Variants in EYA3 observed in about 807,000 individuals in gnomAD.
EYA3 encodes protein phosphatase EYA3.
In EYA3, 39 loss-of-function variants were observed where a neutral mutation model predicts 80.0. That is an observed-to-expected ratio of 0.49 (90% CI 0.38 to 0.64). EYA3 has a LOEUF of 0.64. Ranked by LOEUF, EYA3 falls within the 30% of genes least tolerant of loss-of-function variation. The pLI, the probability that EYA3 is intolerant of heterozygous loss-of-function variation, is 0.00. For missense variants in EYA3, 523 were observed against 676.1 expected (o/e 0.77, Z 2.51); for synonymous variants, 206 against 232.8 (o/e 0.88, Z 1.05).
intron 1 of EYA3, among the ~76,000 whole-genome samples, chr1:28,071,976 C>G (rs1017431893): frequency 6.6e-6 from 1 of 151,924 alleles, no homozygotes; most frequent in African/African-American, 2.4e-5. Flanking sequence ...AACAATTTTC[C>G]CAGGGGCCCT....
At chr1:28,036,403 T>C (rs1643456882) in intron 5 of EYA3, among the ~76,000 whole-genome samples, 1 of 152,158 alleles carries the variant, frequency 6.6e-6, no homozygotes, top group African/African-American at 2.4e-5. Context: ...ACCCTGCCCC[T>C]TGAACCAAAC....
intron 1 of EYA3, among the ~76,000 whole-genome samples, chr1:28,078,588 C>T (rs970116572): frequency 1.3e-5 from 2 of 152,060 alleles, no homozygotes; most frequent in African/African-American, 2.4e-5. Flanking sequence ...CTCTGTTACC[C>T]AGGCTGAAGC....
chr1:28,026,236 T>G (rs1340309194), intron 7 of EYA3, among the ~76,000 whole-genome samples: 1 of 152,204 alleles, frequency 6.6e-6, no homozygotes, highest in Non-Finnish European at 1.5e-5. Flanking sequence ...TTTCACAACC[T>G]AGGTGTAAGT....
At position 27,993,403 on chromosome 1, in the gene EYA3, C is replaced by T; in HGVS notation, c.1300G>A (p.Gly434Ser). Reference protein sequence around the residue: ...EIYDKHKSNVGGLLSPQRKEA... With the variant: ...EIYDKHKSNVSGLLSPQRKEA... ...ACTGGTTATATGCCACACTTACCAC[C>T]CACGTTGCTTTTATGCTTATCATAG... Residue 434 changes from glycine to serine, a missense_variant, in exon 14 of 18, where the codon GGT becomes AGT. Physicochemically the swap from Gly to Ser is moderately conservative, Grantham distance 56 (BLOSUM62 0). Around this residue, in one of 2 missense-constraint regions of EYA3, gnomAD observed 219 missense variants for 332.8 expected, o/e 0.66. Transcript: ENST00000373871. The T allele has an allele frequency of 6.2e-7, 1 of 1,612,922 alleles. No homozygotes were observed. The highest frequency in any genetic ancestry group is 8.5e-7 in the Non-Finnish European group (1 of 1,179,562).
At chr1:28,047,714 C>A (rs1177856846) in intron 3 of EYA3, among the ~76,000 whole-genome samples, 1 of 151,194 alleles carries the variant, frequency 6.6e-6, no homozygotes, top group Non-Finnish European at 1.5e-5. Context: ...TCTCAGCTCA[C>A]CGCAAGCTCC....
rs146879269 is a variant in EYA3, at chr1:28,058,763, C to G, written c.-68-669G>C. ...TACTGCCCAATTATTTAAGCAAAAT[C>G]TTTACGTTCTCAGACCCTGCTCTTT... On this transcript the variant is annotated intron_variant, in intron 1 of 17. Coordinates refer to ENST00000373871, the MANE Select transcript of EYA3 (RefSeq NM_001990.4). Among the ~76,000 whole-genome samples the G allele has an allele frequency of 3.1e-3, 471 of 152,276 alleles. 4 individuals are homozygous for G. Among genetic ancestry groups the G allele is most frequent in the East Asian group, 0.014 (73 of 5,190 alleles).
At chr1:28,027,711 G>C (rs987478544) in intron 7 of EYA3, 78 bp downstream of exon 7, 1 of 1,565,130 alleles carries the variant, frequency 6.4e-7, no homozygotes, top group African/African-American at 1.4e-5. Flanking sequence ...CAATTTGTTT[G>C]TTTGGAGATA....
At chr1:28,006,589 C>T (rs1368566693) in intron 10 of EYA3, among the ~76,000 whole-genome samples, 1 of 152,032 alleles carries the variant, frequency 6.6e-6, no homozygotes, top group East Asian at 1.9e-4. Context: ...GCCTGTAATC[C>T]CAGCTACTCA....
intron 13 of EYA3, among the ~76,000 whole-genome samples, chr1:27,995,638 G>A (rs1434661826): frequency 1.3e-5 from 2 of 151,700 alleles, no homozygotes; most frequent in Non-Finnish European, 2.9e-5. Context: ...TTGGGGGCTG[G>A]GGTGGGAGGA....
In EYA3 at chr1:28,017,190, A is replaced by G. The variant is rs1320574444; in HGVS notation, c.549T>C (p.Asn183=). 6.2e-7 allele frequency: 1 copy of G among 1,613,862 alleles called. No individual in the cohort carries two copies. ...TGCTGGCTACTGCTGCTGCTGGAATATTGGCAATTGTAGAAGAAGTAGATA... is the reference window on the plus strand; with the variant it reads ...TGCTGGCTACTGCTGCTGCTGGAATGTTGGCAATTGTAGAAGAAGTAGATA... ...SLISTSSTIA[N]IPAAAVASIS... is the part of the protein sequence containing the mutation. Residue 183 remains asparagine, a synonymous_variant, in exon 8 of 18, where the codon AAT becomes AAC. Transcript: ENST00000373871.
At position 27,971,616 on chromosome 1, in the gene EYA3, AAAAAAAAAAAAAG is replaced by A. The variant is rs1262467485; in HGVS notation, c.*2837_*2849del. The A allele has an allele frequency of 9.4e-5, 14 of 149,722 alleles. No individual in the cohort carries two copies. The highest frequency in any genetic ancestry group is 2.5e-4 in the African/African-American group (10 of 40,408). The allele number at this position is 149,722 out of a possible 1,614,324, so 9.3% of individuals were successfully genotyped here. A position where few individuals can be genotyped will look rare whatever the true frequency, so the allele number is the denominator to read the frequency against. On this transcript the variant is annotated 3_prime_UTR_variant, in exon 18 of 18. Coordinates refer to ENST00000373871, the MANE Select transcript of EYA3 (RefSeq NM_001990.4). ...CTCAACAACAACAACAAAAAAAAAA[AAAAAAAAAAAAAG>A]AGAACCCACCATGCCCAGCTAGGGA...
At chr1:28,037,775 C>T (rs1312658751) in intron 5 of EYA3, among the ~76,000 whole-genome samples, 2 of 152,072 alleles carry the variant, frequency 1.3e-5, no homozygotes, top group Admixed American at 1.3e-4. Flanking sequence ...AATGAAAATT[C>T]AAAAGGTAAA....
chr1:28,002,400 G>T (rs1345534109), intron 11 of EYA3, among the ~76,000 whole-genome samples: 1 of 151,178 alleles, frequency 6.6e-6, no homozygotes, highest in South Asian at 2.1e-4. Context: ...GAGCCACCAC[G>T]CCTGGTCTTA....
At chr1:28,073,122 TATATA>T (rs1398786652) in intron 1 of EYA3, among the ~76,000 whole-genome samples, 2 of 56,620 alleles carry the variant, frequency 3.5e-5, no homozygotes, top group Admixed American at 1.5e-4. Flanking sequence ...TATATATATA[TATATA>T]TTTTTTTTTT....
At chr1:28,031,306 G>A (rs1424496435) in intron 6 of EYA3, among the ~76,000 whole-genome samples, 1 of 152,128 alleles carries the variant, frequency 6.6e-6, no homozygotes, top group Admixed American at 6.6e-5. Flanking sequence ...CAGATAATAG[G>A]CAGCATGATC....
intron 1 of EYA3, among the ~76,000 whole-genome samples, chr1:28,075,766 A>G (rs1403338074): frequency 2.6e-5 from 4 of 152,144 alleles, no homozygotes; most frequent in Non-Finnish European, 5.9e-5. Flanking sequence ...AGTCTGCTAC[A>G]TTTCTGAAAC....
At position 27,971,929 on chromosome 1, in the gene EYA3, CAA is replaced by C. The variant is rs2148692207; in HGVS notation, c.*2535_*2536del. On this transcript the variant is annotated 3_prime_UTR_variant, in exon 18 of 18. Transcript: ENST00000373871. ...GAGGGTGGCAACAACCAGGAATGAG[CAA>C]AGACTGCTCTGCTCAGCCTCCTTAC... The C allele has an allele frequency of 6.6e-6, 1 of 152,372 alleles. No individual in the cohort carries two copies. Among genetic ancestry groups the C allele is most frequent in the South Asian group, 2.1e-4 (1 of 4,830 alleles). The allele number at this position is 152,372 out of a possible 1,614,324, so 9.4% of individuals were successfully genotyped here. A position where few individuals can be genotyped will look rare whatever the true frequency, so the allele number is the denominator to read the frequency against.
Position 28,004,745 on chromosome 1 carries a change from C to A in EYA3, c.910-326G>T, listed in dbSNP as rs184015375. ...ACATACATTAAAAAAGACAAATGAT[C>A]CCAAATCTATGACCTAATTGCATAT... On this transcript the variant is annotated intron_variant, in intron 10 of 17. Transcript: ENST00000373871. Among the ~76,000 whole-genome samples the A allele has an allele frequency of 1.1e-3, 170 of 151,688 alleles. 1 individual carries two copies. Among genetic ancestry groups the A allele is most frequent in the African/African-American group, 3.9e-3 (162 of 41,406 alleles).
rs541951772 is a variant in EYA3 at position 28,008,491 on chromosome 1, A to G, written c.909+2456T>C. Among the ~76,000 whole-genome samples, 69 of 152,186 alleles carry G rather than the reference A, an allele frequency of 4.5e-4. 1 individual carries two copies. The highest frequency in any genetic ancestry group is 1.6e-3 in the African/African-American group (68 of 41,556). ...ATTAAAAATTTTTGTGCTTCAAAGC[A>G]CAAAAATTGAGAGAGTGAAAAGACG... On this transcript the variant is annotated intron_variant, in intron 10 of 17. Transcript: ENST00000373871.
Sources: allele counts gnomAD v4.1 joint callset (sites outside exome capture counted in the v4.1 genomes callset), GRCh38; gene constraint gnomAD v4.1.1; regional missense constraint gnomAD v4.1.1; transcripts MANE v1.5; gene names NCBI Gene and HGNC (gene_info 2026-07-23, HGNC 2026-07-21).